CA5A: variants seen among roughly 807,000 people sequenced by gnomAD.
The protein encoded by CA5A is carbonic anhydrase 5A.
CA5A carries 28 observed loss-of-function variants against 37.1 expected under a neutral mutation model. That is an observed-to-expected ratio of 0.75 (90% CI 0.56 to 1.03). The LOEUF (loss-of-function observed/expected upper bound fraction) is 1.03. CA5A is among the 50% of genes least tolerant of loss of function. The probability of loss-of-function intolerance (pLI) is 0.00; values close to 1 mark genes in which losing one functional copy is unlikely to be tolerated. For synonymous variants in CA5A, 171 were observed against 158.4 expected, an observed-to-expected ratio of 1.08 and a Z score of -0.60; for missense variants, 444 against 399.9, an observed-to-expected ratio of 1.11 and a Z score of -0.94.
At chr16:87,908,989 A>ATTTTTTTTTTTTTTTTT (rs60201296) in intron 2 of CA5A, among the ~76,000 whole-genome samples, 4 of 139,358 alleles carry the variant, frequency 2.9e-5, no homozygotes, top group African/African-American at 1.1e-4. Flanking sequence ...ACACCCGGCT[A>ATTTTTTTTTTTTTTTTT]TTTTTTTTTT....
In CA5A at chr16:87,902,637, T is replaced by C. The variant is rs1374818034; in HGVS notation, c.460-117A>G. 1.6e-5 allele frequency: 11 copies of C among 670,690 alleles called. No individual in the cohort carries two copies. The Admixed American group carries it at 1.7e-4, about 10-fold the overall frequency. The allele number at this position is 670,690 out of a possible 1,614,324, so 41.5% of individuals were successfully genotyped here. On this transcript the variant is annotated intron_variant, in intron 3 of 6. Transcript: ENST00000649794. ...ATCATAATGAAATGGCCAGGCGCGGTGGCTCACACCTGTAATCCCAGCACT... is the reference window on the plus strand; with the variant it reads ...ATCATAATGAAATGGCCAGGCGCGGCGGCTCACACCTGTAATCCCAGCACT...
At chr16:87,891,544 T>C (rs1042545023) in intron 6 of CA5A, among the ~76,000 whole-genome samples, 1 of 151,948 alleles carries the variant, frequency 6.6e-6, no homozygotes, top group Non-Finnish European at 1.5e-5. Context: ...ACAACTCCCA[T>C]GGATGCCTCG....
chr16:87,909,736 C>T (rs779071621), intron 2 of CA5A, among the ~76,000 whole-genome samples: 1 of 152,214 alleles, frequency 6.6e-6, no homozygotes, highest in Non-Finnish European at 1.5e-5. Flanking sequence ...AATTTTAAAT[C>T]CCACTGTAAA....
At chr16:87,902,080 G>A (rs1326943384) in intron 4 of CA5A, 106 bp from the exon 5 acceptor site, 2 of 1,018,538 alleles carry the variant, frequency 2.0e-6, no homozygotes, top group Non-Finnish European at 3.1e-6. Context: ...TAGGCCAGGT[G>A]CGGTGGCTCA....
In CA5A at chr16:87,904,893, C is replaced by G; in HGVS notation, c.352G>C (p.Gly118Arg). 6.2e-7 allele frequency: 1 copy of G among 1,608,424 alleles called. No homozygotes were observed. Among genetic ancestry groups the G allele is most frequent in the Non-Finnish European group, 8.5e-7 (1 of 1,174,816 alleles). The change falls in exon 3 of 7, where the codon GGG (glycine) becomes CGG (arginine). Residue 118 changes from glycine (G) to arginine (R), a missense_variant. By Grantham distance (125) the Gly-to-Arg change is moderately radical. Transcript: ENST00000649794. ...DATEASGISG[G>R]PLENHYRLKQ... is the part of the protein sequence containing the mutation. ...AGTCTGTAGTGGTTTTCCAAGGGCC[C>G]ACCACTAATTCCTGGAAATAAAGGC...
intron 2 of CA5A, among the ~76,000 whole-genome samples, chr16:87,913,957 G>A (rs1396762803): frequency 3.3e-5 from 5 of 152,234 alleles, no homozygotes; most frequent in South Asian, 2.1e-4. Flanking sequence ...CACAAGAGGC[G>A]TGGGGAGCGG....
At chr16:87,922,697 T>C (rs1267472684) in intron 2 of CA5A, among the ~76,000 whole-genome samples, 2 of 152,254 alleles carry the variant, frequency 1.3e-5, no homozygotes, top group African/African-American at 2.4e-5. Flanking sequence ...CCGGCTCTCC[T>C]GGGGACCGAC....
At chr16:87,912,440 A>G (rs547596155) in intron 2 of CA5A, among the ~76,000 whole-genome samples, 1 of 152,382 alleles carries the variant, frequency 6.6e-6, no homozygotes, top group East Asian at 1.9e-4. Flanking sequence ...AAAGACGTCG[A>G]AAGATAAATA....
Position 87,902,411 on chromosome 16 carries a change from G to A in CA5A, c.555+14C>T, listed in dbSNP as rs537022607. On this transcript the variant is annotated intron_variant, in intron 4 of 6. Coordinates refer to ENST00000649794, the MANE Select transcript of CA5A (RefSeq NM_001739.2). ...CACTTTCTTCATTAGATCTACACCC[G>A]AGCAAGTGATTACCTTTAAAAACAC... The A allele has an allele frequency of 8.1e-6, 12 of 1,490,182 alleles. No homozygotes were observed. The highest frequency in any genetic ancestry group is 2.8e-5 in the African/African-American group (2 of 72,018). The allele number at this position is 1,490,182 out of a possible 1,614,324, so 92.3% of individuals were successfully genotyped here. A position where few individuals can be genotyped will look rare whatever the true frequency, so the allele number is the denominator to read the frequency against.
At chr16:87,913,582 G>A (rs1197902040) in intron 2 of CA5A, among the ~76,000 whole-genome samples, 4 of 152,048 alleles carry the variant, frequency 2.6e-5, no homozygotes, top group African/African-American at 4.8e-5. Flanking sequence ...CCTCTTCCGT[G>A]GGCCTCCACC....
At position 87,923,696 on chromosome 16, in the gene CA5A, C is replaced by G. The variant is rs559432892; in HGVS notation, c.340+3052G>C. On this transcript the variant is annotated intron_variant, in intron 2 of 6. Transcript: ENST00000649794. ...CTTGGGAATTTATTTTGTAAAATAA[C>G]AAACAAAAGTCCAAAATAACCTTCA... The G allele has an allele frequency of 2.9e-4, 286 of 985,280 alleles. 2 individuals are homozygous for G. The African/African-American group carries it at 4.5e-3, about 16-fold the overall frequency. 61.0% of individuals were successfully genotyped at this position (985,280 alleles called of 1,614,324 possible).
intron 5 of CA5A, chr16:87,892,283 G>C: frequency 5.6e-6 from 1 of 178,872 alleles, no homozygotes. Context: ...GCCGAGGCGG[G>C]TGCATCACTT....
chr16:87,899,881 T>C (rs1454519995), intron 5 of CA5A, among the ~76,000 whole-genome samples: 2 of 126,560 alleles, frequency 1.6e-5, no homozygotes, highest in African/African-American at 3.1e-5. Context: ...GGTCGCACCA[T>C]TGCACTCCAG....
intron 5 of CA5A, among the ~76,000 whole-genome samples, chr16:87,894,603 G>A (rs908827743): frequency 2.0e-5 from 3 of 152,006 alleles, no homozygotes; most frequent in Non-Finnish European, 4.4e-5. Context: ...TATAGGCTGG[G>A]CACAGTGGCT....
intron 6 of CA5A, among the ~76,000 whole-genome samples, chr16:87,889,970 T>C (rs111634610): frequency 2.3e-4 from 35 of 152,310 alleles, no homozygotes; most frequent in African/African-American, 8.4e-4. Context: ...GTTGCGCGCA[T>C]GGTGCACGTG....
At chr16:87,907,174 C>T (rs755890577) in intron 2 of CA5A, among the ~76,000 whole-genome samples, 50 of 152,134 alleles carry the variant, frequency 3.3e-4, no homozygotes, top group Non-Finnish European at 5.7e-4. Context: ...GCCGAGATTG[C>T]GCCAATGCAC....
At chr16:87,891,296 C>T (rs1243265217) in intron 6 of CA5A, among the ~76,000 whole-genome samples, 6 of 151,328 alleles carry the variant, frequency 4.0e-5, no homozygotes, top group Non-Finnish European at 7.4e-5. Flanking sequence ...GGTGAAACTC[C>T]GTCTCTACTA....
chr16:87,898,641 G>A (rs1185788826), intron 5 of CA5A, among the ~76,000 whole-genome samples: 2 of 152,100 alleles, frequency 1.3e-5, no homozygotes, highest in African/African-American at 4.8e-5. Context: ...GTTGGCCACA[G>A]CTGGGCCTTA....
At position 87,899,410 on chromosome 16, in the gene CA5A, C is replaced by A. The variant is rs1436289528; in HGVS notation, c.618+2502G>T. Among the ~76,000 whole-genome samples the A allele has an allele frequency of 2.7e-5, 4 of 146,190 alleles. No individual in the cohort carries two copies. The East Asian group carries it at 8.7e-4, about 32-fold the overall frequency. ...CTCCACCGCCCAGATTCAAGCAATT[C>A]TCCTGCCTCAGCCTCCTGAGTAGCT... On this transcript the variant is annotated intron_variant, in intron 5 of 6. Coordinates refer to ENST00000649794, the MANE Select transcript of CA5A (RefSeq NM_001739.2).
Sources: gnomAD v4.1 joint callset for allele counts (sites outside exome capture counted in the v4.1 genomes callset) on GRCh38, gnomAD v4.1.1 for gene constraint, MANE v1.5 for transcripts, NCBI Gene and HGNC (gene_info 2026-07-23, HGNC 2026-07-21) for gene names.